DSCAM: variants seen among roughly 807,000 people sequenced by gnomAD.
The protein encoded by DSCAM is cell adhesion molecule DSCAM.
DSCAM carries 47 observed loss-of-function variants against 217.7 expected under a neutral mutation model. That is an observed-to-expected ratio of 0.22 (90% CI 0.17 to 0.28). The LOEUF (loss-of-function observed/expected upper bound fraction) is 0.28. Ranked by LOEUF, DSCAM falls within the 10% of genes least tolerant of loss-of-function variation. The pLI, the probability that DSCAM is intolerant of heterozygous loss-of-function variation, is 1.00. For missense variants in DSCAM, 2,080 were observed against 2,618.3 expected (o/e 0.79, Z 4.49); for synonymous variants, 1,056 against 1,015.3 (o/e 1.04, Z -0.76).
At chr21:40,509,907 G>A (rs922293628) in intron 3 of DSCAM, among the ~76,000 whole-genome samples, 13 of 152,106 alleles carry the variant, frequency 8.5e-5, no homozygotes, top group African/African-American at 2.7e-4. Context: ...GGCGGATCAC[G>A]AGTTCAAGAG....
chr21:40,458,274 T>C (rs1035754196), intron 3 of DSCAM, among the ~76,000 whole-genome samples: 1 of 152,090 alleles, frequency 6.6e-6, no homozygotes, highest in Non-Finnish European at 1.5e-5. Flanking sequence ...CAAAGAGAAG[T>C]TCATTAAATA....
chr21:40,424,506 C>A (rs536778582), intron 3 of DSCAM, among the ~76,000 whole-genome samples: 1 of 152,316 alleles, frequency 6.6e-6, no homozygotes, highest in African/African-American at 2.4e-5. Context: ...AGGAGGTGAG[C>A]AAGGACCTCT....
At chr21:40,309,623 C>T (rs1259079350) in intron 9 of DSCAM, among the ~76,000 whole-genome samples, 3 of 152,174 alleles carry the variant, frequency 2.0e-5, no homozygotes, top group Non-Finnish European at 1.5e-5. Context: ...TTCTTCTCTG[C>T]TTCTGCTAAA....
intron 3 of DSCAM, among the ~76,000 whole-genome samples, chr21:40,649,526 G>A (rs2146356727): frequency 6.6e-6 from 1 of 152,334 alleles, no homozygotes; most frequent in South Asian, 2.1e-4. Context: ...GTTTTATGCT[G>A]GCTGGATACC....
rs144190212 is a variant in DSCAM, at chr21:40,782,233, C to A, written c.43+64386G>T. 1.3e-3 allele frequency among the ~76,000 whole-genome samples: 200 copies of A among 152,150 alleles called. 1 individual carries two copies. The highest frequency in any genetic ancestry group is 2.2e-3 in the African/African-American group (91 of 41,550). On this transcript the variant is annotated intron_variant, in intron 1 of 32. Transcript: ENST00000400454. Reference sequence around the variant, plus strand: ...TAGTCCTGCCAGAAATTAAGCCCCACTCTCCAAGCCCAACTCCAATGGTAT... The same window carrying A: ...TAGTCCTGCCAGAAATTAAGCCCCAATCTCCAAGCCCAACTCCAATGGTAT...
At chr21:40,137,146 G>A (rs1434911586) in intron 18 of DSCAM, among the ~76,000 whole-genome samples, 5 of 135,772 alleles carry the variant, frequency 3.7e-5, no homozygotes, top group Non-Finnish European at 7.6e-5. Context: ...CTGCACTCCA[G>A]CCTGGGCGAC....
chr21:40,146,017 T>C (rs1327617359), intron 16 of DSCAM, among the ~76,000 whole-genome samples: 3 of 152,138 alleles, frequency 2.0e-5, no homozygotes, highest in African/African-American at 4.8e-5. Flanking sequence ...TATATACATA[T>C]ACACGTACAC....
At chr21:40,471,158 A>T (rs1271688982) in intron 3 of DSCAM, among the ~76,000 whole-genome samples, 1 of 152,202 alleles carries the variant, frequency 6.6e-6, no homozygotes, top group African/African-American at 2.4e-5. Context: ...CATGAACTTC[A>T]AGCAGTTAGC....
intron 1 of DSCAM, among the ~76,000 whole-genome samples, chr21:40,758,441 C>T (rs190920100): frequency 1.5e-4 from 21 of 143,886 alleles, no homozygotes; most frequent in South Asian, 2.2e-4. Context: ...GGCGTGAACC[C>T]GGGAGACGGA....
At chr21:40,546,219 T>C (rs375838697) in intron 3 of DSCAM, among the ~76,000 whole-genome samples, 66 of 152,266 alleles carry the variant, frequency 4.3e-4, no homozygotes, top group African/African-American at 1.5e-3. Flanking sequence ...TATGGGGAGA[T>C]ATTTTCAGTA....
At chr21:40,370,055 T>C (rs760862167) in intron 3 of DSCAM, among the ~76,000 whole-genome samples, 3 of 152,188 alleles carry the variant, frequency 2.0e-5, no homozygotes, top group Admixed American at 6.5e-5. Context: ...AGGGCCAACA[T>C]TGAGATCAAA....
chr21:40,782,928 T>C (rs374707262), intron 1 of DSCAM, among the ~76,000 whole-genome samples: 290 of 152,312 alleles, frequency 1.9e-3, no homozygotes, highest in Admixed American at 4.5e-3. Context: ...ATGACTGCCC[T>C]GAGGCGGATC....
chr21:40,627,389 T>C (rs767566003), intron 3 of DSCAM, among the ~76,000 whole-genome samples: 1 of 152,166 alleles, frequency 6.6e-6, no homozygotes, highest in Non-Finnish European at 1.5e-5. Flanking sequence ...TCCAACTCCT[T>C]CCACCCCCAC....
intron 8 of DSCAM, among the ~76,000 whole-genome samples, chr21:40,327,011 A>C (rs184345644): frequency 3.3e-5 from 5 of 151,484 alleles, no homozygotes; most frequent in Admixed American, 3.3e-4. Context: ...TGTATGAAGT[A>C]CACAATTTTA....
In DSCAM at chr21:40,842,851, A is replaced by C. The variant is rs1359743054; in HGVS notation, c.43+3768T>G. On this transcript the variant is annotated intron_variant, in intron 1 of 32. Transcript: ENST00000400454. Reference sequence around the variant, plus strand: ...CACCAAAATGACAAAGGAGAGAGTCAAAAAGTGGAGAACGATCCACTGGCA... The same window carrying C: ...CACCAAAATGACAAAGGAGAGAGTCCAAAAGTGGAGAACGATCCACTGGCA... Among the ~76,000 whole-genome samples, 2 of 152,190 alleles carry C rather than the reference A, an allele frequency of 1.3e-5. 1 individual carries two copies. Among genetic ancestry groups the C allele is most frequent in the African/African-American group, 4.8e-5 (2 of 41,436 alleles).
intron 3 of DSCAM, among the ~76,000 whole-genome samples, chr21:40,428,153 T>C (rs1025118707): frequency 6.6e-6 from 1 of 152,074 alleles, no homozygotes; most frequent in African/African-American, 2.4e-5. Flanking sequence ...TTAACCCTAA[T>C]ATTTTACCTG....
In DSCAM at chr21:40,347,793, T is replaced by C. The variant is rs537698010; in HGVS notation, c.1087A>G (p.Thr363Ala). ...ILNPGKNVRI[T>A]GINHENLIMD... ...ATAAGGTTTTCGTGGTTGATCCCTG[T>C]GATCCTCACATTTTTTCCAGGGTTG... The change falls in exon 6 of 33, where the codon ACA becomes GCA. Residue 363 changes from threonine (T) to alanine (A), a missense_variant. Thr to Ala is a moderately conservative substitution (Grantham distance 58). This residue lies in a region of DSCAM where 568 missense variants were observed against 678.1 expected (regional missense o/e 0.84). Coordinates refer to ENST00000400454, the MANE Select transcript of DSCAM (RefSeq NM_001389.5). The C allele has an allele frequency of 1.8e-5, 29 of 1,614,210 alleles. No homozygotes were observed. The East Asian group carries it at 5.6e-4, about 31-fold the overall frequency.
chr21:40,088,932 G>C (rs2089568807), intron 21 of DSCAM, among the ~76,000 whole-genome samples: 1 of 152,218 alleles, frequency 6.6e-6, no homozygotes, highest in Admixed American at 6.5e-5. Context: ...CATGAATAAA[G>C]ACTTCACTGT....
intron 4 of DSCAM, among the ~76,000 whole-genome samples, chr21:40,367,548 TCA>T (rs942410836): frequency 7.2e-5 from 11 of 152,360 alleles, no homozygotes; most frequent in Admixed American, 7.2e-4. Context: ...CATTCTGTAT[TCA>T]GTGTCTACAG....
Sources: allele counts gnomAD v4.1 joint callset (sites outside exome capture counted in the v4.1 genomes callset), GRCh38; gene constraint gnomAD v4.1.1; regional missense constraint gnomAD v4.1.1; transcripts MANE v1.5; gene names NCBI Gene and HGNC (gene_info 2026-07-23, HGNC 2026-07-21).